MUC17: variants seen among roughly 807,000 people sequenced by gnomAD.
MUC17 encodes the protein mucin-17.
In MUC17, 190 loss-of-function variants were observed where a neutral mutation model predicts 170.3. The ratio of observed to expected loss-of-function variants is 1.12; its 90% CI spans 0.99 to 1.26. The LOEUF is 1.26. MUC17 is among the 50% of genes most tolerant of loss of function. The pLI, the probability that MUC17 is intolerant of heterozygous loss-of-function variation, is 0.00. For missense variants in MUC17, 6,415 were observed against 5,530.0 expected (o/e 1.16, Z -5.08); for synonymous variants, 2,325 against 2,002.5 (o/e 1.16, Z -4.30).
chr7:101,052,129 A>C (rs576745849), intron 9 of MUC17, among the ~76,000 whole-genome samples, 167 bp downstream of exon 9: 2 of 152,168 alleles, frequency 1.3e-5, no homozygotes, highest in Non-Finnish European at 2.9e-5. Flanking sequence ...ATAAGGGAAA[A>C]ACATGAGTAG....
At position 101,043,068 on chromosome 7, in the gene MUC17, ACTTCCAACTAG is replaced by A. The variant is rs1290053111; in HGVS notation, c.11656_11666del (p.Pro3886SerfsTer12). 6.2e-7 allele frequency: 1 copy of A among 1,613,980 alleles called. No homozygotes were observed. Among genetic ancestry groups the A allele is most frequent in the East Asian group, 2.2e-5 (1 of 44,900 alleles). On this transcript the variant is annotated frameshift_variant, in exon 3 of 13. Transcript: ENST00000306151. LOFTEE classifies it high-confidence loss of function. The stretch of plus-strand genomic sequence containing the variant: ...TAACAACTCTCCTTGTCAGCACCAC[ACTTCCAACTAG>A]CTTTCCTGGGGCCAGCATAGCTTCG...
chr7:101,040,417 A>G lies in MUC17; in HGVS notation c.9001A>G (p.Ser3001Gly). 1 of 1,611,200 alleles carries G rather than the reference A, an allele frequency of 6.2e-7. No homozygotes were observed. The highest frequency in any genetic ancestry group is 1.3e-5 in the African/African-American group (1 of 74,620). Residue 3001 changes from serine (S) to glycine (G), a missense_variant, in exon 3 of 13, where the codon AGT becomes GGT. By Grantham distance (56) the Ser-to-Gly change is moderately conservative (BLOSUM62 0). Coordinates refer to ENST00000306151, the MANE Select transcript of MUC17 (RefSeq NM_001040105.2). ...GTCTGTCAGCACCATGCCGGTGGCCAGTTCTGAGGCTAGCACCCTTTCAAG... is the reference window on the plus strand; with the variant it reads ...GTCTGTCAGCACCATGCCGGTGGCCGGTTCTGAGGCTAGCACCCTTTCAAG... The part of the protein sequence containing the change: ...SMSVSTMPVA[S>G]SEASTLSRTP...
rs1794569455 is a variant in MUC17, at chr7:101,038,511, C to T, written c.7095C>T (p.Thr2365=). 18 of 1,604,934 alleles carry T rather than the reference C, an allele frequency of 1.1e-5. 1 individual carries two copies. In the East Asian group the frequency reaches 4.1e-4, roughly 37 times the overall value. Residue 2365 remains threonine, a synonymous_variant, in exon 3 of 13, where the codon ACC becomes ACT. Transcript: ENST00000306151. The part of the protein sequence containing the change: ...TSTLSTTPAD[T]STPVTTYSQA... ...CACTTTCTACAACTCCTGCTGACAC[C>T]AGCACACCTGTGACTACTTATTCTC...
chr7:101,037,976 A>G lies in MUC17; in HGVS notation c.6560A>G (p.Asp2187Gly), dbSNP rs763345801. ...AISTLSTTPV[D>G]TSTPVTNSTE... ...AGCACCCTTTCAACAACTCCTGTTG[A>G]CACCAGCACACCTGTGACCAATTCT... is the stretch of plus-strand genomic sequence containing the variant. The change falls in exon 3 of 13, where the codon GAC becomes GGC. Residue 2187 changes from aspartate to glycine, a missense_variant. Physicochemically the swap from Asp to Gly is moderately conservative, Grantham distance 94. Transcript: ENST00000306151. 2 of 1,607,960 alleles carry G rather than the reference A, an allele frequency of 1.2e-6. No individual in the cohort carries two copies. Among genetic ancestry groups the G allele is most frequent in the African/African-American group, 1.3e-5 (1 of 74,666 alleles).
intron 1 of MUC17, among the ~76,000 whole-genome samples, chr7:101,020,441 G>A (rs1165001120): frequency 1.3e-5 from 2 of 152,158 alleles, no homozygotes; most frequent in Non-Finnish European, 2.9e-5. Flanking sequence ...AGGTCTCTGA[G>A]CCTTAGTTTC....
intron 11 of MUC17, chr7:101,053,651 G>A (rs1313013546): frequency 2.3e-6 from 1 of 436,650 alleles, no homozygotes; most frequent in Non-Finnish European, 4.1e-6. Context: ...GCTGAGGCAG[G>A]TGGACCACTT....
chr7:101,042,447 G>T lies in MUC17; in HGVS notation c.11031G>T (p.Val3677=). ...CTACCCAAGTCAGTTCATCTCCTGT[G>T]ACTCCTGAAGGTACCACCATGCCAA... ...ITSTQVSSSP[V]TPEGTTMPIW... is the part of the protein sequence containing the mutation. The change falls in exon 3 of 13, where the codon GTG becomes GTT. Residue 3677 remains valine (V), a synonymous_variant. Coordinates refer to ENST00000306151, the MANE Select transcript of MUC17 (RefSeq NM_001040105.2). 6.2e-7 allele frequency: 1 copy of T among 1,612,410 alleles called. No homozygotes were observed.
intron 1 of MUC17, 99 bp from the exon 2 acceptor site, chr7:101,031,021 C>T: frequency 7.1e-7 from 1 of 1,411,194 alleles, no homozygotes; most frequent in Non-Finnish European, 9.4e-7. Flanking sequence ...GGTTCAGGGG[C>T]CAGGGACTTT....
At position 101,052,070 on chromosome 7, in the gene MUC17, G is replaced by A. The variant is rs567596817; in HGVS notation, c.13103+108G>A. The A allele has an allele frequency of 8.8e-5, 115 of 1,309,986 alleles. No homozygotes were observed. In the South Asian group the frequency reaches 1.5e-3, roughly 17 times the overall value. 81.1% of individuals were successfully genotyped at this position (1,309,986 alleles called of 1,614,324 possible). ...CTGGAGACCAAGGTCATGGGACTAG[G>A]TCCCAGCGTCTCCTGAATGTGTCCA... On this transcript the variant is annotated intron_variant, in intron 9 of 12. Transcript: ENST00000306151.
rs1016199894 is a variant in MUC17 at position 101,051,686 on chromosome 7, G to C, written c.12943+5G>C. 2.5e-6 allele frequency: 4 copies of C among 1,611,304 alleles called. No homozygotes were observed. The highest frequency in any genetic ancestry group is 1.3e-5 in the African/African-American group (1 of 74,740). ...TGACCCAGTACGACCCTGAAGGTAG[G>C]TGATAACACAAGGGGTTTGGGGGAA... On this transcript the variant is annotated splice_donor_5th_base_variant and intron_variant, in intron 8 of 12. Coordinates refer to ENST00000306151, the MANE Select transcript of MUC17 (RefSeq NM_001040105.2).
chr7:101,058,230 C>T lies in MUC17; in HGVS notation c.*186C>T. 2 of 481,182 alleles carry T rather than the reference C, an allele frequency of 4.2e-6. No individual in the cohort carries two copies. Among genetic ancestry groups the T allele is most frequent in the East Asian group, 3.2e-5 (1 of 31,728 alleles). 29.8% of individuals were successfully genotyped at this position (481,182 alleles called of 1,614,324 possible). A position where few individuals can be genotyped will look rare whatever the true frequency, so the allele number is the denominator to read the frequency against. On this transcript the variant is annotated 3_prime_UTR_variant, in exon 13 of 13. Transcript: ENST00000306151. ...GCTGGGAGATTCTCAAATAGAAACCCGTGGACGCTCCAATGGGCTTGTCAT... is the reference window on the plus strand; with the variant it reads ...GCTGGGAGATTCTCAAATAGAAACCTGTGGACGCTCCAATGGGCTTGTCAT...
rs1794432312 is a variant in MUC17 at position 101,035,315 on chromosome 7, C to A, written c.3899C>A (p.Thr1300Lys). The A allele has an allele frequency of 1.2e-5, 19 of 1,610,316 alleles. No homozygotes were observed. The highest frequency in any genetic ancestry group is 1.6e-5 in the Non-Finnish European group (19 of 1,177,664). Residue 1300 changes from threonine (T) to lysine (K), a missense_variant, in exon 3 of 13, where the codon ACA becomes AAA. Physicochemically the swap from Thr to Lys is moderately conservative, Grantham distance 78. Coordinates refer to ENST00000306151, the MANE Select transcript of MUC17 (RefSeq NM_001040105.2). ...AGTCCTGAGGCTAGCACCCTTTTAA[C>A]AACTCCTGTTGACACTAAAGGTCCT... is the stretch of plus-strand genomic sequence containing the variant. ...VTSPEASTLL[T>K]TPVDTKGPVV...
Position 101,041,943 on chromosome 7 carries a change from A to G in MUC17, c.10527A>G (p.Thr3509=). The G allele has an allele frequency of 1.3e-6, 2 of 1,583,028 alleles. No homozygotes were observed. Among genetic ancestry groups the G allele is most frequent in the South Asian group, 1.1e-5 (1 of 89,542 alleles). The change falls in exon 3 of 13, where the codon ACA becomes ACG. Residue 3509 remains threonine, a synonymous_variant. Coordinates refer to ENST00000306151, the MANE Select transcript of MUC17 (RefSeq NM_001040105.2). ...CTGCTGAAGTTACCAGCATGCCAAC[A>G]TCAACTGCTGGTGAAGGAAGCACTC... ...PTTAEVTSMP[T]STAGEGSTPL...
At chr7:101,053,852 C>T (rs919083726) in intron 11 of MUC17, among the ~76,000 whole-genome samples, 1 of 150,468 alleles carries the variant, frequency 6.6e-6, no homozygotes, top group African/African-American at 2.4e-5. Context: ...TGCACTCCAG[C>T]CTGGGCAACA....
Position 101,040,666 on chromosome 7 carries a change from A to T in MUC17, c.9250A>T (p.Ser3084Cys), listed in dbSNP as rs891547683. ...NSPVVTSTEV[S>C]SSPTPAEGTS... ...TCCTGTGGTCACTTCTACTGAAGTCAGTTCATCTCCTACACCTGCTGAAGG... is the reference window on the plus strand; with the variant it reads ...TCCTGTGGTCACTTCTACTGAAGTCTGTTCATCTCCTACACCTGCTGAAGG... Residue 3084 changes from serine (S) to cysteine (C), a missense_variant, in exon 3 of 13, where the codon AGT becomes TGT. Ser to Cys is a moderately radical substitution (Grantham distance 112). Transcript: ENST00000306151. 21 of 1,612,784 alleles carry T rather than the reference A, an allele frequency of 1.3e-5. No individual in the cohort carries two copies. In the Admixed American group the frequency reaches 3.5e-4, roughly 27 times the overall value.
intron 1 of MUC17, among the ~76,000 whole-genome samples, chr7:101,023,740 C>A (rs1206379237): frequency 6.6e-6 from 1 of 152,180 alleles, no homozygotes; most frequent in East Asian, 1.9e-4. Flanking sequence ...ATTAGATACC[C>A]AGTAGTGGGA....
At position 101,041,329 on chromosome 7, in the gene MUC17, C is replaced by A. The variant is rs1425784537; in HGVS notation, c.9913C>A (p.Pro3305Thr). 6.2e-7 allele frequency: 1 copy of A among 1,611,314 alleles called. No individual in the cohort carries two copies. ...TGAAACGAGCACCCTTTCAACAACT[C>A]CTGCTGACACCAGCACACCTGTGAC... Reference protein sequence around the residue: ...SSETSTLSTTPADTSTPVTTY... With the variant: ...SSETSTLSTTTADTSTPVTTY... Residue 3305 changes from proline to threonine, a missense_variant, in exon 3 of 13, where the codon CCT becomes ACT. Transcript: ENST00000306151.
rs759971396 is a variant in MUC17, at chr7:101,039,869, A to G, written c.8453A>G (p.Asn2818Ser). 1.9e-6 allele frequency: 3 copies of G among 1,594,968 alleles called. No homozygotes were observed. Among genetic ancestry groups the G allele is most frequent in the Non-Finnish European group, 8.5e-7 (1 of 1,171,960 alleles). The change falls in exon 3 of 13, where the codon AAC becomes AGC. Residue 2818 changes from asparagine to serine, a missense_variant. By Grantham distance (46) the Asn-to-Ser change is conservative. Coordinates refer to ENST00000306151, the MANE Select transcript of MUC17 (RefSeq NM_001040105.2). ...ACTCCATTAACTAGTATGCCTGTCA[A>G]CCACACGCCAGTGGCCAGTTCTGAG... ...TSTPLTSMPV[N>S]HTPVASSEAG...
Position 101,040,395 on chromosome 7 carries a change from T to G in MUC17, c.8979T>G (p.Ser2993=), listed in dbSNP as rs747930581. The G allele has an allele frequency of 1.5e-5, 24 of 1,612,822 alleles. 1 individual carries two copies. The highest frequency in any genetic ancestry group is 1.9e-5 in the Non-Finnish European group (22 of 1,179,530). Residue 2993 remains serine (S), a synonymous_variant, in exon 3 of 13, where the codon TCT becomes TCG. Transcript: ENST00000306151. The part of the protein sequence containing the change: ...GERRTPLTSM[S]VSTMPVASSE... The stretch of plus-strand genomic sequence containing the variant: ...GAAGAACTCCATTAACAAGTATGTC[T>G]GTCAGCACCATGCCGGTGGCCAGTT...
Sources: allele counts gnomAD v4.1 joint callset (sites outside exome capture counted in the v4.1 genomes callset), GRCh38; gene constraint gnomAD v4.1.1; transcripts MANE v1.5; gene names NCBI Gene and HGNC (gene_info 2026-07-23, HGNC 2026-07-21).